JARID2: variants seen among roughly 807,000 people sequenced by gnomAD.
JARID2 encodes protein Jumonji.
JARID2 carries 21 observed loss-of-function variants against 125.6 expected under a neutral mutation model. The ratio of observed to expected loss-of-function variants is 0.17; its 90% confidence interval spans 0.12 to 0.24. The LOEUF (loss-of-function observed/expected upper bound fraction) is 0.24. JARID2 is among the 10% of genes least tolerant of loss of function. The pLI is 1.00. For missense variants in JARID2, 1,303 were observed against 1,639.6 expected (o/e 0.79, Z 3.55); for synonymous variants, 736 against 661.6 (o/e 1.11, Z -1.73).
At chr6:15,417,795 G>A (rs541965288) in intron 3 of JARID2, among the ~76,000 whole-genome samples, 63 of 152,274 alleles carry the variant, frequency 4.1e-4, no homozygotes, top group Admixed American at 1.4e-3. Flanking sequence ...TGTATAAATG[G>A]TACTCTGTAT....
intron 8 of JARID2, among the ~76,000 whole-genome samples, chr6:15,503,394 G>T (rs1056187454): frequency 6.6e-6 from 1 of 152,202 alleles, no homozygotes; most frequent in African/African-American, 2.4e-5. Context: ...GGAGAGAAAG[G>T]CACAAGCCAA....
At chr6:15,355,681 G>A (rs987716426) in intron 1 of JARID2, among the ~76,000 whole-genome samples, 3 of 151,568 alleles carry the variant, frequency 2.0e-5, no homozygotes, top group East Asian at 1.9e-4. Flanking sequence ...CTGTGATCCC[G>A]GCTCACTGCA....
At position 15,467,706 on chromosome 6, in the gene JARID2, C is replaced by T. The variant is rs958172812; in HGVS notation, c.494-836C>T. Among the ~76,000 whole-genome samples, 88 of 152,128 alleles carry T rather than the reference C, an allele frequency of 5.8e-4. 1 individual carries two copies. The highest frequency in any genetic ancestry group is 9.4e-4 in the African/African-American group (39 of 41,486). ...AAAAAATTAGCTGGGTGTGGTGGTG[C>T]GCACCTGTAGCTCCAGCTACAGGAT... is the stretch of plus-strand genomic sequence containing the variant. On this transcript the variant is annotated intron_variant, in intron 4 of 17. Transcript: ENST00000341776.
chr6:15,264,628 TGTGTGTGTGTGTGAGA>T (rs1433233848), intron 1 of JARID2, among the ~76,000 whole-genome samples: 1 of 151,248 alleles, frequency 6.6e-6, no homozygotes, highest in African/African-American at 2.4e-5. Context: ...TGTGTGTGTG[TGTGTGTGTGTGTGAGA>T]GAGAGAGAGA....
chr6:15,259,428 A>G (rs1357641413), intron 1 of JARID2, among the ~76,000 whole-genome samples: 2 of 152,202 alleles, frequency 1.3e-5, no homozygotes, highest in Non-Finnish European at 2.9e-5. Context: ...CATGGTTTTC[A>G]TCTGCCTTGA....
chr6:15,314,328 A>G (rs1411234387), intron 1 of JARID2, among the ~76,000 whole-genome samples: 1 of 119,272 alleles, frequency 8.4e-6, no homozygotes, highest in African/African-American at 3.7e-5. Context: ...AAGTAATACA[A>G]TAATTTAAAA....
At chr6:15,477,642 A>G (rs1769412738) in intron 5 of JARID2, among the ~76,000 whole-genome samples, 1 of 151,972 alleles carries the variant, frequency 6.6e-6, no homozygotes. Context: ...TCAGAGCATC[A>G]TGATTACAGC....
chr6:15,325,426 G>C (rs571322396), intron 1 of JARID2, among the ~76,000 whole-genome samples: 6 of 152,072 alleles, frequency 3.9e-5, no homozygotes, highest in Admixed American at 3.9e-4. Context: ...AGGGATCAGC[G>C]GTCTAGAAGT....
At chr6:15,479,569 A>G (rs181454395) in intron 5 of JARID2, among the ~76,000 whole-genome samples, 2 of 152,248 alleles carry the variant, frequency 1.3e-5, no homozygotes, top group East Asian at 1.9e-4. Context: ...GGCTTTAAAC[A>G]TTCTATTTCC....
At chr6:15,394,326 A>G (rs1172390946) in intron 2 of JARID2, among the ~76,000 whole-genome samples, 1 of 152,168 alleles carries the variant, frequency 6.6e-6, no homozygotes, top group Non-Finnish European at 1.5e-5. Flanking sequence ...TATTGAGATG[A>G]GCAAGGCGAA....
At chr6:15,305,823 C>T (rs967316912) in intron 1 of JARID2, among the ~76,000 whole-genome samples, 3 of 152,100 alleles carry the variant, frequency 2.0e-5, no homozygotes, top group African/African-American at 7.2e-5. Flanking sequence ...TAAATAAAGT[C>T]CTGTGAATTC....
chr6:15,365,550 C>A (rs747433129), intron 1 of JARID2, among the ~76,000 whole-genome samples: 1 of 152,010 alleles, frequency 6.6e-6, no homozygotes, highest in African/African-American at 2.4e-5. Context: ...GCCGGAGATT[C>A]AGCCTGTCAG....
At chr6:15,431,898 T>C (rs958405024) in intron 3 of JARID2, among the ~76,000 whole-genome samples, 3 of 152,118 alleles carry the variant, frequency 2.0e-5, no homozygotes, top group Non-Finnish European at 4.4e-5. Context: ...AGGACTCTTA[T>C]CTCTTGTGAA....
At chr6:15,473,826 A>T (rs1769212029) in intron 5 of JARID2, among the ~76,000 whole-genome samples, 1 of 152,196 alleles carries the variant, frequency 6.6e-6, no homozygotes, top group South Asian at 2.1e-4. Context: ...ACAGGATGTC[A>T]GTGCTTCCTT....
At chr6:15,389,765 C>G (rs948840654) in intron 2 of JARID2, among the ~76,000 whole-genome samples, 1 of 152,140 alleles carries the variant, frequency 6.6e-6, no homozygotes, top group African/African-American at 2.4e-5. Flanking sequence ...AAAGTGAGGT[C>G]GAACCCTCTG....
chr6:15,250,693 T>C (rs1561746178), intron 1 of JARID2, among the ~76,000 whole-genome samples: 1 of 152,214 alleles, frequency 6.6e-6, no homozygotes, highest in Non-Finnish European at 1.5e-5. Context: ...CTGTAGCCAC[T>C]GGCCCAAATA....
chr6:15,468,271 G>T (rs1379359485), intron 4 of JARID2, among the ~76,000 whole-genome samples: 5 of 150,796 alleles, frequency 3.3e-5, no homozygotes, highest in African/African-American at 9.8e-5. Context: ...ATCCTTGGAG[G>T]TGTTTGTTTT....
intron 5 of JARID2, among the ~76,000 whole-genome samples, chr6:15,472,180 G>A (rs1769108304): frequency 6.6e-6 from 1 of 151,850 alleles, no homozygotes; most frequent in South Asian, 2.1e-4. Context: ...GGTGGAATGA[G>A]TGGTCTTGGG....
chr6:15,263,155 C>G (rs1349626350), intron 1 of JARID2, among the ~76,000 whole-genome samples: 1 of 151,534 alleles, frequency 6.6e-6, no homozygotes, highest in Admixed American at 6.6e-5. Context: ...CTGTCACTCT[C>G]CATGTCACTG....
Sources: gnomAD v4.1 joint callset for allele counts (sites outside exome capture counted in the v4.1 genomes callset) on GRCh38, gnomAD v4.1.1 for gene constraint, MANE v1.5 for transcripts, NCBI Gene and HGNC (gene_info 2026-07-23, HGNC 2026-07-21) for gene names.